Variants in SMG6 observed in about 807,000 individuals in gnomAD.
The protein encoded by SMG6 is SMG6 nonsense mediated mRNA decay factor.
Under a neutral mutation model 142.2 loss-of-function variants are expected in SMG6, and 66 were observed. The ratio of observed to expected loss-of-function variants is 0.46; its 90% CI spans 0.38 to 0.57. SMG6 has a LOEUF of 0.57. Ranked by LOEUF, SMG6 falls within the 20% of genes least tolerant of loss-of-function variation. The pLI, the probability that SMG6 is intolerant of heterozygous loss-of-function variation, is 0.00. For synonymous variants in SMG6, 779 were observed against 702.4 expected (o/e 1.11, Z -1.72); for missense variants, 1,793 against 1,832.0 (o/e 0.98, Z 0.39).
rs1299410736 is a variant in SMG6, at chr17:2,071,799, C to CG, written c.3682-2869dup. 6.6e-6 allele frequency: 1 copy of CG among 151,188 alleles called. No individual in the cohort carries two copies. The highest frequency in any genetic ancestry group is 1.5e-5 in the Non-Finnish European group (1 of 67,414). The allele number at this position is 151,188 out of a possible 1,614,324, so 9.4% of individuals were successfully genotyped here. The stretch of plus-strand genomic sequence containing the variant: ...CAGTCCCCTTAAAAAGAGTGGCAGG[C>CG]GGAGGAGGGCTTCGGAGTCCACAGG... On this transcript the variant is annotated intron_variant, in intron 15 of 18. Coordinates refer to ENST00000263073, the MANE Select transcript of SMG6 (RefSeq NM_017575.5). This position sits in a 1 kb window ranked among gnomAD's most constrained non-coding sequence, Gnocchi z 5.6.
intron 6 of SMG6, among the ~76,000 whole-genome samples, chr17:2,286,388 C>A (rs530815843): frequency 6.7e-6 from 1 of 150,344 alleles, no homozygotes; most frequent in East Asian, 1.9e-4. Context: ...ACTAACACAG[C>A]TGTGGTACTG....
intron 13 of SMG6, among the ~76,000 whole-genome samples, chr17:2,155,362 C>T (rs550823161): frequency 2.0e-5 from 3 of 151,970 alleles, no homozygotes; most frequent in Non-Finnish European, 4.4e-5. Context: ...GCGAATGAAC[C>T]AAGAAATCTG....
At chr17:2,166,520 C>T (rs1177801345) in intron 13 of SMG6, among the ~76,000 whole-genome samples, 1 of 152,150 alleles carries the variant, frequency 6.6e-6, no homozygotes, top group African/African-American at 2.4e-5. Flanking sequence ...TATGGTGGCA[C>T]AATCACAGCT....
chr17:2,285,786 G>A (rs147684626), intron 6 of SMG6, among the ~76,000 whole-genome samples: 1,534 of 152,090 alleles, frequency 0.01, 29 homozygotes, highest in African/African-American at 0.034. Context: ...CAATTCTCCC[G>A]CCTCAGCCTC....
At chr17:2,255,672 G>A (rs575831554) in intron 8 of SMG6, 4 of 172,198 alleles carry the variant, frequency 2.3e-5, no homozygotes, top group South Asian at 3.0e-4. Context: ...CCACTACCCC[G>A]TCTGGGAGGT....
chr17:2,253,768 T>C (rs2074102018), intron 8 of SMG6, among the ~76,000 whole-genome samples: 1 of 152,144 alleles, frequency 6.6e-6, no homozygotes, highest in Admixed American at 6.6e-5. Flanking sequence ...GTAAGCACCA[T>C]CCCATTCTAT....
intron 8 of SMG6, among the ~76,000 whole-genome samples, chr17:2,257,087 C>CTTT (rs561017088): frequency 7.4e-6 from 1 of 134,768 alleles, no homozygotes; most frequent in Admixed American, 7.4e-5. Flanking sequence ...GGGATTCTTC[C>CTTT]TTTTTTTTTT....
At chr17:2,223,931 A>AG (rs2073246649) in intron 10 of SMG6, among the ~76,000 whole-genome samples, 1 of 152,006 alleles carries the variant, frequency 6.6e-6, no homozygotes, top group Non-Finnish European at 1.5e-5. Context: ...GCAAAAAAAA[A>AG]GAAAAGAAAA....
At chr17:2,115,257 T>C (rs2069471480) in intron 13 of SMG6, among the ~76,000 whole-genome samples, 1 of 152,082 alleles carries the variant, frequency 6.6e-6, no homozygotes, top group Non-Finnish European at 1.5e-5. Context: ...TCCCTTTGTC[T>C]GCACCTGAAA....
At chr17:2,102,556 G>C (rs1281193486) in intron 13 of SMG6, among the ~76,000 whole-genome samples, 1 of 82,700 alleles carries the variant, frequency 1.2e-5, no homozygotes, top group Non-Finnish European at 2.2e-5. Context: ...TTTTTTTTTA[G>C]AGATGAGGTC....
intron 8 of SMG6, among the ~76,000 whole-genome samples, chr17:2,246,074 G>T (rs2073920881): frequency 6.6e-6 from 1 of 152,172 alleles, no homozygotes; most frequent in African/African-American, 2.4e-5. Context: ...AAACACATTT[G>T]CCAGCTACAT....
chr17:2,102,935 T>TTCAC (rs1816714610), intron 13 of SMG6, among the ~76,000 whole-genome samples: 1 of 152,196 alleles, frequency 6.6e-6, no homozygotes, highest in African/African-American at 2.4e-5. Context: ...CATAATGCTC[T>TTCAC]TCAATTCCAC....
At chr17:2,146,843 CGT>C (rs1234317925) in intron 13 of SMG6, among the ~76,000 whole-genome samples, 1 of 152,108 alleles carries the variant, frequency 6.6e-6, no homozygotes, top group East Asian at 1.9e-4. Context: ...TGGGATTACA[CGT>C]GTGAGCCACC....
chr17:2,269,718 G>A (rs1444663856), intron 8 of SMG6, among the ~76,000 whole-genome samples: 2 of 152,132 alleles, frequency 1.3e-5, no homozygotes. Context: ...CGAGAGATTT[G>A]GGAAGAGGCA....
chr17:2,250,676 T>C (rs1270317043), intron 8 of SMG6, among the ~76,000 whole-genome samples: 1 of 152,148 alleles, frequency 6.6e-6, no homozygotes, highest in Non-Finnish European at 1.5e-5. Flanking sequence ...GAGTCACTGG[T>C]CCTGGCCCCA....
chr17:2,195,859 C>A (rs1412059660), intron 10 of SMG6, among the ~76,000 whole-genome samples: 1 of 152,134 alleles, frequency 6.6e-6, no homozygotes, highest in Non-Finnish European at 1.5e-5. Flanking sequence ...TGCTCTCATG[C>A]CCACATTGTT....
chr17:2,128,178 C>CT (rs1388232076), intron 13 of SMG6, among the ~76,000 whole-genome samples: 1 of 152,246 alleles, frequency 6.6e-6, no homozygotes, highest in African/African-American at 2.4e-5. Context: ...CCACGCGCCG[C>CT]TTTGTCCAGC....
At chr17:2,266,114 A>G (rs1567730815) in intron 8 of SMG6, 3 of 985,198 alleles carry the variant, frequency 3.0e-6, no homozygotes, top group Admixed American at 6.2e-5. Flanking sequence ...GTGCCACTCA[A>G]AGTCTTTTAC....
intron 17 of SMG6, 119 bp from the exon 18 acceptor site, chr17:2,065,273 G>C (rs2067908269): frequency 9.9e-7 from 1 of 1,009,578 alleles, no homozygotes; most frequent in East Asian, 2.4e-5. Context: ...TCCCTCCCAT[G>C]CATGCGCTGG....
Sources: gnomAD v4.1 joint callset for allele counts (sites outside exome capture counted in the v4.1 genomes callset) on GRCh38, gnomAD v4.1.1 for gene constraint, Gnocchi (gnomAD v3.1) non-coding constraint, MANE v1.5 for transcripts, NCBI Gene and HGNC (gene_info 2026-07-23, HGNC 2026-07-21) for gene names.